Variants in HSF2 observed in about 807,000 individuals in gnomAD.
HSF2 encodes the protein heat shock transcription factor 2.
A neutral mutation model predicts 65.0 loss-of-function variants in HSF2; 21 were observed. The ratio of observed to expected loss-of-function variants is 0.32; its 90% CI spans 0.23 to 0.47. HSF2 has a LOEUF of 0.47. Ranked by LOEUF, HSF2 falls within the 20% of genes least tolerant of loss-of-function variation. HSF2 has a pLI of 1.00. For synonymous variants in HSF2, 225 were observed against 219.1 expected (o/e 1.03, Z -0.24); for missense variants, 499 against 628.1 (o/e 0.79, Z 2.20).
intron 11 of HSF2, among the ~76,000 whole-genome samples, chr6:122,429,783 T>C (rs896989220): frequency 6.6e-6 from 1 of 152,182 alleles, no homozygotes; most frequent in Non-Finnish European, 1.5e-5. Context: ...TTTTTGTCAT[T>C]GGTTCTGTTT....
chr6:122,426,582 A>G (rs1459019407), intron 10 of HSF2, among the ~76,000 whole-genome samples: 1 of 152,060 alleles, frequency 6.6e-6, no homozygotes, highest in Non-Finnish European at 1.5e-5. Context: ...CAAGGATCTG[A>G]GCTTTCTTCC....
intron 10 of HSF2, among the ~76,000 whole-genome samples, chr6:122,425,884 T>A (rs1774329020): frequency 6.6e-6 from 1 of 152,118 alleles, no homozygotes; most frequent in African/African-American, 2.4e-5. Flanking sequence ...TACTTTGGGA[T>A]CATCAGTTAG....
rs1773676895 is a variant in HSF2 at position 122,399,848 on chromosome 6, C to A, written c.93+18C>A. ...GGAGCCAGGTACGGTCAGGCCACGG[C>A]GGCCTCTGAACCCCCTGAATAACCG... On this transcript the variant is annotated intron_variant, in intron 1 of 12. Coordinates refer to ENST00000368455, the MANE Select transcript of HSF2 (RefSeq NM_004506.4). The A allele has an allele frequency of 1.9e-6, 3 of 1,593,034 alleles. No individual in the cohort carries two copies. Among genetic ancestry groups the A allele is most frequent in the Non-Finnish European group, 2.6e-6 (3 of 1,162,342 alleles).
chr6:122,421,914 C>A (rs549628163), intron 7 of HSF2, among the ~76,000 whole-genome samples: 197 of 152,032 alleles, frequency 1.3e-3, no homozygotes, highest in African/African-American at 4.6e-3. Flanking sequence ...TCTTCAGGGT[C>A]CCTTACAGTA....
intron 5 of HSF2, among the ~76,000 whole-genome samples, chr6:122,418,529 G>T (rs1774169941): frequency 6.6e-6 from 1 of 152,192 alleles, no homozygotes; most frequent in Non-Finnish European, 1.5e-5. Flanking sequence ...AAATATTAAA[G>T]ATTAGCTTCC....
chr6:122,432,364 C>T lies in HSF2; in HGVS notation c.*144C>T, dbSNP rs939328283. 9.3e-6 allele frequency: 6 copies of T among 645,532 alleles called. No homozygotes were observed. The highest frequency in any genetic ancestry group is 1.1e-5 in the Non-Finnish European group (4 of 378,092). 40.0% of individuals were successfully genotyped at this position (645,532 alleles called of 1,614,324 possible). A position where few individuals can be genotyped will look rare whatever the true frequency, so the allele number is the denominator to read the frequency against. On this transcript the variant is annotated 3_prime_UTR_variant, in exon 13 of 13. Transcript: ENST00000368455. ...GAATAAAAGCACCTTTTGCTTTTCTCACTAACCACACACTCTTGCAGAGCT... is the reference window on the plus strand; with the variant it reads ...GAATAAAAGCACCTTTTGCTTTTCTTACTAACCACACACTCTTGCAGAGCT...
chr6:122,405,741 A>G (rs563702537), intron 1 of HSF2, among the ~76,000 whole-genome samples: 10 of 152,324 alleles, frequency 6.6e-5, no homozygotes, highest in Non-Finnish European at 8.8e-5. Flanking sequence ...GCTATGCCCA[A>G]TCTATTTACA....
rs923750421 is a variant in HSF2, at chr6:122,413,582, A to G, written c.388A>G (p.Ile130Val). 4.4e-6 allele frequency: 7 copies of G among 1,597,770 alleles called. No homozygotes were observed. The highest frequency in any genetic ancestry group is 4.5e-5 in the East Asian group (2 of 44,716). ...KIRQEDLTKI[I>V]SSAQKVQIKQ... ...TCGTCAGGAAGATTTAACAAAAATT[A>G]TAAGTAGTGCTCAGAAGGTTCAGAT... Residue 130 changes from isoleucine to valine, a missense_variant, in exon 4 of 13, where the codon ATA (isoleucine) becomes GTA (valine). Ile to Val is a conservative substitution (Grantham distance 29). This residue lies in a region of HSF2 where 150 missense variants were observed against 234.6 expected (regional missense o/e 0.64). Transcript: ENST00000368455.
At chr6:122,408,730 A>G (rs1773921059) in intron 1 of HSF2, among the ~76,000 whole-genome samples, 1 of 152,078 alleles carries the variant, frequency 6.6e-6, no homozygotes, top group Admixed American at 6.6e-5. Flanking sequence ...TTCTTTTGGC[A>G]GTAACTAAGA....
chr6:122,414,262 G>A (rs1197131451), intron 4 of HSF2, among the ~76,000 whole-genome samples: 1 of 152,150 alleles, frequency 6.6e-6, no homozygotes, highest in African/African-American at 2.4e-5. Flanking sequence ...CTTGTGTATA[G>A]AGTAGATAGT....
chr6:122,412,615 T>A (rs143457068), intron 2 of HSF2, 22 bp from the exon 3 acceptor site: 146 of 1,604,790 alleles, frequency 9.1e-5, no homozygotes, highest in Non-Finnish European at 1.2e-4. Context: ...TTTTAGTCAT[T>A]TGAATTTTGA....
intron 1 of HSF2, among the ~76,000 whole-genome samples, chr6:122,407,961 C>CAG (rs10534323): frequency 0.092 from 13,757 of 149,630 alleles, 695 homozygotes; most frequent in East Asian, 0.16. Flanking sequence ...TTCCCAATGG[C>CAG]AGAGAGAGAG....
intron 1 of HSF2, among the ~76,000 whole-genome samples, chr6:122,411,450 G>A (rs928912208): frequency 1.3e-5 from 2 of 151,706 alleles, no homozygotes; most frequent in African/African-American, 4.8e-5. Flanking sequence ...TAGATTTGAT[G>A]TAGTTCCATT....
chr6:122,431,309 G>A (rs1177478383), intron 11 of HSF2, 121 bp from the exon 12 acceptor site: 3 of 393,158 alleles, frequency 7.6e-6, no homozygotes, highest in Non-Finnish European at 9.0e-6. Flanking sequence ...TTTCCCTGAT[G>A]TTTCCCCATC....
rs1773666325 is a variant in HSF2, at chr6:122,399,670, C to T, written c.-68C>T. On this transcript the variant is annotated 5_prime_UTR_variant, in exon 1 of 13. Transcript: ENST00000368455. ...TGTGGGCGTTCTCGGGGAGCTGCTG[C>T]CGTAGCTGCCGCCGCCGCTACCACC... is the stretch of plus-strand genomic sequence containing the variant. 5.9e-6 allele frequency: 8 copies of T among 1,347,230 alleles called. No individual in the cohort carries two copies. The highest frequency in any genetic ancestry group is 6.3e-6 in the Non-Finnish European group (6 of 951,048). 83.5% of individuals were successfully genotyped at this position (1,347,230 alleles called of 1,614,324 possible).
chr6:122,424,797 T>G (rs2114451025), intron 10 of HSF2, among the ~76,000 whole-genome samples: 1 of 152,202 alleles, frequency 6.6e-6, no homozygotes, highest in East Asian at 1.9e-4. Flanking sequence ...TCAAAATATT[T>G]TTCCTTTAGA....
intron 7 of HSF2, 33 bp from the exon 8 acceptor site, chr6:122,422,117 T>A: frequency 6.8e-7 from 1 of 1,477,996 alleles, no homozygotes; most frequent in Non-Finnish European, 9.2e-7. Context: ...ATGATTTTGA[T>A]TTTTAGATAT....
intron 6 of HSF2, 71 bp downstream of exon 6, chr6:122,419,300 A>ATACT: frequency 1.5e-6 from 1 of 687,354 alleles, no homozygotes; most frequent in Non-Finnish European, 2.5e-6. Flanking sequence ...AACCATGAGT[A>ATACT]GCCTACACTT....
intron 9 of HSF2, among the ~76,000 whole-genome samples, chr6:122,423,225 A>G (rs1290238439): frequency 6.6e-6 from 1 of 152,160 alleles, no homozygotes; most frequent in Non-Finnish European, 1.5e-5. Context: ...ATATTTGTGT[A>G]TCCAAACTAC....
Sources: allele counts gnomAD v4.1 joint callset (sites outside exome capture counted in the v4.1 genomes callset), GRCh38; gene constraint gnomAD v4.1.1; regional missense constraint gnomAD v4.1.1; transcripts MANE v1.5; gene names NCBI Gene and HGNC (gene_info 2026-07-23, HGNC 2026-07-21).